The following TEAD4 variants were observed in gnomAD, a reference collection of about 807,000 sequenced individuals.
TEAD4 encodes the protein transcriptional enhancer factor TEF-3.
In TEAD4, 36 loss-of-function variants were observed where a neutral mutation model predicts 52.4. The ratio of observed to expected loss-of-function variants is 0.69; its 90% confidence interval spans 0.53 to 0.91. The LOEUF is 0.91. Among genes scored for constraint, TEAD4 ranks in the 40% least tolerant of loss-of-function variants. TEAD4 has a pLI of 0.00. For synonymous variants in TEAD4, 220 were observed against 231.0 expected (o/e 0.95, Z 0.43); for missense variants, 508 against 583.9 (o/e 0.87, Z 1.34).
chr12:3,025,998 T>G (rs1277988095), intron 10 of TEAD4, among the ~76,000 whole-genome samples: 1 of 152,170 alleles, frequency 6.6e-6, no homozygotes, highest in South Asian at 2.1e-4. Flanking sequence ...AGTTTCACAT[T>G]GGTGAGCTTT....
chr12:3,024,198 C>T (rs970782671), intron 10 of TEAD4, among the ~76,000 whole-genome samples: 16 of 151,990 alleles, frequency 1.1e-4, no homozygotes, highest in Non-Finnish European at 5.9e-5. Flanking sequence ...CCTCAGCCTC[C>T]CGAGTAGCTG....
chr12:2,991,490 C>T (rs1455451903), intron 2 of TEAD4, among the ~76,000 whole-genome samples: 4 of 152,062 alleles, frequency 2.6e-5, no homozygotes, highest in African/African-American at 7.2e-5. Context: ...GGCGAAACCC[C>T]GTCTCTACTA....
Position 3,020,484 on chromosome 12 carries a change from C to T in TEAD4, c.584-150C>T, listed in dbSNP as rs887893056. 2.1e-5 allele frequency: 21 copies of T among 1,019,074 alleles called. No homozygotes were observed. In the African/African-American group the frequency reaches 2.5e-4, roughly 12 times the overall value. 63.1% of individuals were successfully genotyped at this position (1,019,074 alleles called of 1,614,324 possible). A position where few individuals can be genotyped will look rare whatever the true frequency, so the allele number is the denominator to read the frequency against. On this transcript the variant is annotated intron_variant, in intron 8 of 12. Coordinates refer to ENST00000359864, the MANE Select transcript of TEAD4 (RefSeq NM_003213.4). Reference sequence around the variant, plus strand: ...CCTGGCCCAAGCCTGGCACTCCCTCCACCACCTCTGCTAGGAGGTCCATTT... The same window carrying T: ...CCTGGCCCAAGCCTGGCACTCCCTCTACCACCTCTGCTAGGAGGTCCATTT...
At chr12:2,999,732 C>T (rs778815347) in intron 3 of TEAD4, among the ~76,000 whole-genome samples, 2 of 150,496 alleles carry the variant, frequency 1.3e-5, no homozygotes, top group African/African-American at 2.5e-5. Flanking sequence ...GCCAGGCTCA[C>T]AGTCGGCCTA....
At chr12:3,019,291 T>C in intron 8 of TEAD4, 121 bp downstream of exon 8, 3 of 1,096,456 alleles carry the variant, frequency 2.7e-6, no homozygotes, top group Non-Finnish European at 4.1e-6. Context: ...TCATGCACAC[T>C]GACCACACGT....
intron 2 of TEAD4, among the ~76,000 whole-genome samples, chr12:2,990,611 G>A (rs931780851): frequency 2.6e-5 from 4 of 151,710 alleles, no homozygotes; most frequent in South Asian, 2.1e-4. Flanking sequence ...GATTACAGGC[G>A]TGTGCCACCA....
intron 2 of TEAD4, among the ~76,000 whole-genome samples, chr12:2,989,329 A>AT: frequency 6.6e-6 from 1 of 152,142 alleles, no homozygotes; most frequent in Admixed American, 6.5e-5. Flanking sequence ...CTCTTGAATG[A>AT]TTTTTTGTTT....
intron 2 of TEAD4, among the ~76,000 whole-genome samples, chr12:2,968,708 G>T (rs2098222603): frequency 6.6e-6 from 1 of 151,750 alleles, no homozygotes. Context: ...GAGTGCAGTG[G>T]TGTGATCATA....
In TEAD4 at chr12:2,978,543, A is replaced by G. The variant is rs532256370; in HGVS notation, c.-29-16195A>G. On this transcript the variant is annotated intron_variant, in intron 2 of 12. Coordinates refer to ENST00000359864, the MANE Select transcript of TEAD4 (RefSeq NM_003213.4). ...CTCAGCCTCCTAAGTAGCTGGGACTATAGGCCTGCGCCACCGCCCCTGGCT... is the reference window on the plus strand; with the variant it reads ...CTCAGCCTCCTAAGTAGCTGGGACTGTAGGCCTGCGCCACCGCCCCTGGCT... 2.2e-4 allele frequency among the ~76,000 whole-genome samples: 33 copies of G among 152,070 alleles called. 1 individual carries two copies. Among genetic ancestry groups the G allele is most frequent in the Admixed American group, 2.6e-4 (4 of 15,270 alleles).
intron 2 of TEAD4, among the ~76,000 whole-genome samples, chr12:2,960,878 ATT>A (rs2098214714): frequency 1.3e-5 from 2 of 152,092 alleles, no homozygotes; most frequent in Non-Finnish European, 2.9e-5. Flanking sequence ...TGCAGGGATA[ATT>A]TGACTGTGGT....
intron 10 of TEAD4, among the ~76,000 whole-genome samples, chr12:3,024,231 C>G (rs553299402): frequency 2.0e-5 from 3 of 151,812 alleles, no homozygotes; most frequent in Admixed American, 6.6e-5. Flanking sequence ...CCCGCCACCA[C>G]GCCTGGCTAA....
chr12:3,021,965 AG>A lies in TEAD4; in HGVS notation c.847del (p.Asp283IlefsTer14). 6.2e-7 allele frequency: 1 copy of A among 1,614,262 alleles called. No individual in the cohort carries two copies. The highest frequency in any genetic ancestry group is 2.2e-5 in the East Asian group (1 of 44,890). Reference sequence around the variant, plus strand: ...TTCCCGGAGAAAAAGGGTGGACTCAAGGATCTCTTCGAACGGGGACCCTCCA... The same window carrying A: ...TTCCCGGAGAAAAAGGGTGGACTCAAGATCTCTTCGAACGGGGACCCTCCA... On this transcript the variant is annotated frameshift_variant, in exon 10 of 13. Coordinates refer to ENST00000359864, the MANE Select transcript of TEAD4 (RefSeq NM_003213.4). LOFTEE classifies it high-confidence loss of function.
At chr12:2,977,085 G>GCTCTTGT (rs111824935) in intron 2 of TEAD4, among the ~76,000 whole-genome samples, 1 of 151,822 alleles carries the variant, frequency 6.6e-6, no homozygotes, top group African/African-American at 2.4e-5. Flanking sequence ...CAGGCTCTGT[G>GCTCTTGT]CTCATGGACA....
chr12:2,973,031 A>T (rs1042458459), intron 2 of TEAD4, among the ~76,000 whole-genome samples: 1 of 151,996 alleles, frequency 6.6e-6, no homozygotes, highest in African/African-American at 2.4e-5. Flanking sequence ...TCCCCTGGCC[A>T]CGCTGATCTG....
At chr12:2,973,767 A>G (rs1299418289) in intron 2 of TEAD4, among the ~76,000 whole-genome samples, 1 of 152,306 alleles carries the variant, frequency 6.6e-6, no homozygotes, top group Non-Finnish European at 1.5e-5. Flanking sequence ...CCCCATCCAG[A>G]AAAACAAATG....
Position 2,985,655 on chromosome 12 carries a change from A to G in TEAD4, c.-29-9083A>G, listed in dbSNP as rs192902661. On this transcript the variant is annotated intron_variant, in intron 2 of 12. Coordinates refer to ENST00000359864, the MANE Select transcript of TEAD4 (RefSeq NM_003213.4). ...CTAGTAGCTGGGATTATAGGTGCGC[A>G]CCATCATGCCTGGCTAATTTTTGTA... 3.9e-3 allele frequency among the ~76,000 whole-genome samples: 587 copies of G among 151,362 alleles called. 4 individuals are homozygous for G. Among genetic ancestry groups the G allele is most frequent in the African/African-American group, 0.013 (549 of 41,362 alleles).
At chr12:3,022,285 C>T (rs912029416) in intron 10 of TEAD4, among the ~76,000 whole-genome samples, 1 of 152,150 alleles carries the variant, frequency 6.6e-6, no homozygotes, top group Admixed American at 6.5e-5. Context: ...GTGGAGCCCT[C>T]AGGAGGTGAG....
rs751852771 is a variant in TEAD4, at chr12:2,972,491, CTTTTTTTTTTT to C, written c.-30+12466_-30+12476del. On this transcript the variant is annotated intron_variant, in intron 2 of 12. Transcript: ENST00000359864. ...TTATTTAGACTCAGGCAGCATGTCT[CTTTTTTTTTTT>C]TTTTTTTTTTTTTTGAGACAGAGTT... Among the ~76,000 whole-genome samples the C allele has an allele frequency of 8.6e-3, 301 of 34,828 alleles. 1 individual carries two copies. The highest frequency in any genetic ancestry group is 0.023 in the Admixed American group (44 of 1,912). The allele number at this position is 34,828 out of a possible 152,430, so 22.8% of individuals were successfully genotyped here.
chr12:2,961,781 T>G (rs1047558250), intron 2 of TEAD4, among the ~76,000 whole-genome samples: 1 of 152,152 alleles, frequency 6.6e-6, no homozygotes, highest in South Asian at 2.1e-4. Context: ...AAGAACCCCT[T>G]TTTCCTAGGG....
Sources: gnomAD v4.1 joint callset for allele counts (sites outside exome capture counted in the v4.1 genomes callset) on GRCh38, gnomAD v4.1.1 for gene constraint, MANE v1.5 for transcripts, NCBI Gene and HGNC (gene_info 2026-07-23, HGNC 2026-07-21) for gene names.